The following CNTNAP4 variants were observed in gnomAD, a reference collection of about 807,000 sequenced individuals.
The protein encoded by CNTNAP4 is contactin associated protein family member 4, also known as contactin-associated protein-like 4.
A neutral mutation model predicts 148.4 loss-of-function variants in CNTNAP4; 98 were observed. That is an observed-to-expected ratio of 0.66 (90% confidence interval 0.56 to 0.78). The LOEUF is 0.78. Among genes scored for constraint, CNTNAP4 ranks in the 30% least tolerant of loss-of-function variants. The probability of loss-of-function intolerance (pLI) is 0.00; values close to 1 mark genes in which losing one functional copy is unlikely to be tolerated. For missense variants in CNTNAP4, 1,935 were observed against 1,565.6 expected, an observed-to-expected ratio of 1.24 and a Z score of -3.98; for synonymous variants, 730 against 565.1, an observed-to-expected ratio of 1.29 and a Z score of -4.14.
intron 3 of CNTNAP4, among the ~76,000 whole-genome samples, chr16:76,379,490 C>G (rs1445228879): frequency 1.3e-5 from 2 of 152,124 alleles, no homozygotes; most frequent in Non-Finnish European, 1.5e-5. Context: ...CCTCCTTTAA[C>G]TGAGTCAATT....
chr16:76,524,397 C>G (rs763450542), intron 17 of CNTNAP4, among the ~76,000 whole-genome samples: 16 of 152,170 alleles, frequency 1.1e-4, no homozygotes, highest in Non-Finnish European at 1.8e-4. Flanking sequence ...TAAAATCTGT[C>G]AGTAGCTTGG....
At chr16:76,388,208 A>T (rs2016673916) in intron 3 of CNTNAP4, among the ~76,000 whole-genome samples, 1 of 152,242 alleles carries the variant, frequency 6.6e-6, no homozygotes, top group Admixed American at 6.5e-5. Context: ...TTACCCAAAG[A>T]GTTCATTACA....
rs12597564 is a variant in CNTNAP4, at chr16:76,392,807, C to G, written c.391-34645C>G. On this transcript the variant is annotated intron_variant, in intron 3 of 23. Transcript: ENST00000611870. ...TGTCCTCATTACCTGGGCACAGATT[C>G]ATTTCTTGTGCAAAGATGTCCCGAG... is the stretch of plus-strand genomic sequence containing the variant. 4.4e-4 allele frequency among the ~76,000 whole-genome samples: 67 copies of G among 152,248 alleles called. 2 individuals carry two copies. In the East Asian group the frequency reaches 0.011, roughly 25 times the overall value.
intron 12 of CNTNAP4, among the ~76,000 whole-genome samples, chr16:76,486,224 T>C (rs968097385): frequency 1.3e-5 from 2 of 152,194 alleles, no homozygotes; most frequent in African/African-American, 2.4e-5. Flanking sequence ...ACCACTCTTT[T>C]TGCATTTAGT....
intron 3 of CNTNAP4, among the ~76,000 whole-genome samples, chr16:76,385,187 A>G (rs1448250642): frequency 6.6e-6 from 1 of 152,150 alleles, no homozygotes; most frequent in Non-Finnish European, 1.5e-5. Context: ...GATTTTTCCC[A>G]GATTTATTTA....
chr16:76,408,060 T>C (rs547211200), intron 3 of CNTNAP4, among the ~76,000 whole-genome samples: 2 of 141,328 alleles, frequency 1.4e-5, no homozygotes, highest in Non-Finnish European at 2.9e-5. Flanking sequence ...ATGATTAGTA[T>C]TTTTTTTAGC....
At chr16:76,398,047 C>T (rs2078275435) in intron 3 of CNTNAP4, among the ~76,000 whole-genome samples, 1 of 132,422 alleles carries the variant, frequency 7.6e-6, no homozygotes, top group African/African-American at 2.9e-5. Context: ...AAGGTGAGGT[C>T]TGCAAGCTGA....
intron 1 of CNTNAP4, among the ~76,000 whole-genome samples, chr16:76,283,977 G>C (rs7198668): frequency 0.021 from 3,253 of 152,054 alleles, 104 homozygotes; most frequent in African/African-American, 0.057. Context: ...ATTGTTAGTT[G>C]AATATATCTG....
In CNTNAP4 at chr16:76,361,220, G is replaced by C. The variant is rs757471890; in HGVS notation, c.390+5709G>C. Among the ~76,000 whole-genome samples, 20 of 152,236 alleles carry C rather than the reference G, an allele frequency of 1.3e-4. No individual in the cohort carries two copies. In the South Asian group the frequency reaches 1.5e-3, roughly 11 times the overall value. ...TACAATACTGTTCACTATAAGCACAGTGTTGTAAGGCAGATCTGCAGGACT... is the reference window on the plus strand; with the variant it reads ...TACAATACTGTTCACTATAAGCACACTGTTGTAAGGCAGATCTGCAGGACT... On this transcript the variant is annotated intron_variant, in intron 3 of 23. Coordinates refer to ENST00000611870, the MANE Select transcript of CNTNAP4 (RefSeq NM_033401.5).
chr16:76,510,425 C>G (rs1246067405), intron 15 of CNTNAP4, among the ~76,000 whole-genome samples: 3 of 150,674 alleles, frequency 2.0e-5, no homozygotes. Flanking sequence ...GCTGGATCCA[C>G]TTTTTGGATA....
intron 3 of CNTNAP4, among the ~76,000 whole-genome samples, chr16:76,365,974 T>C (rs1597332434): frequency 3.9e-5 from 6 of 152,284 alleles, no homozygotes; most frequent in Middle Eastern, 3.4e-3. Context: ...TTGATTTGCT[T>C]AATTTATCTT....
chr16:76,459,807 C>T (rs1277179142), intron 8 of CNTNAP4, among the ~76,000 whole-genome samples: 1 of 152,104 alleles, frequency 6.6e-6, no homozygotes, highest in African/African-American at 2.4e-5. Flanking sequence ...ACGACAAAGA[C>T]TCTTAGATTT....
chr16:76,468,852 C>T (rs2081269344), intron 10 of CNTNAP4, among the ~76,000 whole-genome samples: 1 of 152,174 alleles, frequency 6.6e-6, no homozygotes, highest in East Asian at 1.9e-4. Flanking sequence ...AATATCAAGG[C>T]TGTTAATTTT....
chr16:76,356,269 T>A (rs2012631700), intron 3 of CNTNAP4, among the ~76,000 whole-genome samples: 1 of 152,204 alleles, frequency 6.6e-6, no homozygotes, highest in African/African-American at 2.4e-5. Context: ...TTCTCTGGTA[T>A]ATGGGGATTT....
At chr16:76,524,609 A>G (rs763986486) in intron 17 of CNTNAP4, among the ~76,000 whole-genome samples, 1 of 152,206 alleles carries the variant, frequency 6.6e-6, no homozygotes, top group Non-Finnish European at 1.5e-5. Flanking sequence ...CTAGTATGTC[A>G]TCAGAAAACT....
Position 76,321,221 on chromosome 16 carries a change from A to G in CNTNAP4, c.196+4698A>G, listed in dbSNP as rs373931357. Among the ~76,000 whole-genome samples the G allele has an allele frequency of 5.9e-5, 9 of 152,356 alleles. No homozygotes were observed. In the East Asian group the frequency reaches 1.3e-3, roughly 23 times the overall value. The stretch of plus-strand genomic sequence containing the variant: ...AAAATCAAGCACTTATCTGTAGAGG[A>G]ATTAGCTTACTTGGTTAATTGACAG... On this transcript the variant is annotated intron_variant, in intron 2 of 23. Transcript: ENST00000611870.
rs1300500896 is a variant in CNTNAP4, at chr16:76,452,756, T to G, written c.1320T>G (p.Ser440Arg). ...TCTACCAGCCAGGAAAATTACCCAG[T>G]GACATCACAGCAGGTAATAAATGTA... ...SNLYQPGKLP[S>R]DITAGVELND... Residue 440 changes from serine (S) to arginine (R), a missense_variant, in exon 8 of 24, where the codon AGT (serine) becomes AGG (arginine). Ser to Arg is a moderately radical substitution (Grantham distance 110). Coordinates refer to ENST00000611870, the MANE Select transcript of CNTNAP4 (RefSeq NM_033401.5). 1 of 1,590,988 alleles carries G rather than the reference T, an allele frequency of 6.3e-7. No individual in the cohort carries two copies. The highest frequency in any genetic ancestry group is 2.2e-5 in the East Asian group (1 of 44,506).
Position 76,559,915 on chromosome 16 carries a change from A to G in CNTNAP4, c.*1232A>G, listed in dbSNP as rs1437640907. On this transcript the variant is annotated 3_prime_UTR_variant, in exon 24 of 24. Coordinates refer to ENST00000611870, the MANE Select transcript of CNTNAP4 (RefSeq NM_033401.5). The stretch of plus-strand genomic sequence containing the variant: ...GGGGAGATAGCATATTAAATGATCT[A>G]CTGTGAATTTGTCATTCCAGACACT... Among the ~76,000 whole-genome samples the G allele has an allele frequency of 6.6e-6, 1 of 152,218 alleles. No homozygotes were observed. The highest frequency in any genetic ancestry group is 1.9e-4 in the East Asian group (1 of 5,194).
At chr16:76,443,137 A>G (rs773661851) in intron 4 of CNTNAP4, among the ~76,000 whole-genome samples, 20 of 152,234 alleles carry the variant, frequency 1.3e-4, no homozygotes, top group Admixed American at 3.3e-4. Flanking sequence ...TAAAATATGT[A>G]TAATATATAC....
Sources: allele counts gnomAD v4.1 joint callset (sites outside exome capture counted in the v4.1 genomes callset), GRCh38; gene constraint gnomAD v4.1.1; transcripts MANE v1.5; gene names NCBI Gene and HGNC (gene_info 2026-07-23, HGNC 2026-07-21).